KIF6: variants seen among roughly 807,000 people sequenced by gnomAD.
KIF6 encodes the protein kinesin family member 6, also known as kinesin-like protein KIF6.
KIF6 carries 106 observed loss-of-function variants against 112.7 expected under a neutral mutation model. The ratio of observed to expected loss-of-function variants is 0.94; its 90% CI spans 0.80 to 1.11. The LOEUF is 1.11. KIF6 is among the 50% of genes least tolerant of loss of function. The pLI, the probability that KIF6 is intolerant of heterozygous loss-of-function variation, is 0.00. For synonymous variants in KIF6, 339 were observed against 339.9 expected (o/e 1.00, Z 0.03); for missense variants, 929 against 964.0 (o/e 0.96, Z 0.48).
At chr6:39,465,050 C>G (rs1773706693) in intron 13 of KIF6, among the ~76,000 whole-genome samples, 1 of 152,248 alleles carries the variant, frequency 6.6e-6, no homozygotes, top group Admixed American at 6.5e-5. Context: ...TCCTAGTAGC[C>G]CACTTTTCCA....
intron 5 of KIF6, among the ~76,000 whole-genome samples, chr6:39,620,757 T>G (rs1383034836): frequency 6.6e-6 from 1 of 151,344 alleles, no homozygotes; most frequent in Non-Finnish European, 1.5e-5. Context: ...ACATTTTATT[T>G]ATTTATTTAT....
intron 13 of KIF6, among the ~76,000 whole-genome samples, chr6:39,481,151 A>G (rs1001960510): frequency 6.6e-6 from 1 of 152,156 alleles, no homozygotes; most frequent in Admixed American, 6.6e-5. Context: ...TTAAAAAATG[A>G]AGAAAGATAA....
chr6:39,678,357 G>A (rs1341869573), intron 3 of KIF6, among the ~76,000 whole-genome samples: 2 of 152,182 alleles, frequency 1.3e-5, no homozygotes, highest in African/African-American at 4.8e-5. Context: ...TTGGAATCAT[G>A]TGTCAGGTGG....
At chr6:39,450,506 T>C (rs1165959171) in intron 13 of KIF6, among the ~76,000 whole-genome samples, 1 of 152,154 alleles carries the variant, frequency 6.6e-6, no homozygotes, top group East Asian at 1.9e-4. Context: ...AACAGAATGA[T>C]GTAAAGAAGC....
chr6:39,687,655 T>C (rs1272088464), intron 3 of KIF6, among the ~76,000 whole-genome samples: 1 of 152,224 alleles, frequency 6.6e-6, no homozygotes, highest in Non-Finnish European at 1.5e-5. Flanking sequence ...TTTGTTAGTA[T>C]AAATATTCCT....
intron 13 of KIF6, among the ~76,000 whole-genome samples, chr6:39,532,085 A>G (rs73414654): frequency 2.0e-5 from 3 of 152,228 alleles, no homozygotes; most frequent in African/African-American, 7.2e-5. Context: ...CCTGGTCTTA[A>G]CCGGAGGTTG....
chr6:39,440,706 G>A (rs973740840), intron 13 of KIF6, among the ~76,000 whole-genome samples: 3 of 152,068 alleles, frequency 2.0e-5, no homozygotes, highest in African/African-American at 7.2e-5. Context: ...AAGGAAATAA[G>A]GATTTAGAAG....
At chr6:39,340,431 T>C (rs2281686) in intron 22 of KIF6, among the ~76,000 whole-genome samples, 21,087 of 152,052 alleles carry the variant, frequency 0.14, 1,595 homozygotes, top group Middle Eastern at 0.27. Flanking sequence ...GTTGCAGCTT[T>C]TCAAGACAGT....
intron 13 of KIF6, among the ~76,000 whole-genome samples, chr6:39,479,471 C>T (rs1774658419): frequency 6.6e-6 from 1 of 152,084 alleles, no homozygotes; most frequent in Admixed American, 6.6e-5. Context: ...TATTTTTATA[C>T]CAGTACCATG....
chr6:39,497,455 CT>C (rs556491327), intron 13 of KIF6, among the ~76,000 whole-genome samples: 177 of 152,320 alleles, frequency 1.2e-3, no homozygotes, highest in African/African-American at 4.2e-3. Context: ...TTATTTTTAA[CT>C]TCCCAAGATC....
intron 7 of KIF6, among the ~76,000 whole-genome samples, chr6:39,588,374 C>G (rs1328725010): frequency 6.6e-6 from 1 of 151,974 alleles, no homozygotes; most frequent in Non-Finnish European, 1.5e-5. Flanking sequence ...CCACCACACC[C>G]AGCTAATTTT....
At chr6:39,605,448 C>T (rs1035499916) in intron 6 of KIF6, among the ~76,000 whole-genome samples, 2 of 151,988 alleles carry the variant, frequency 1.3e-5, no homozygotes, top group African/African-American at 4.8e-5. Context: ...TTTATTCAAA[C>T]TGTCTTTTTT....
intron 10 of KIF6, among the ~76,000 whole-genome samples, chr6:39,549,718 C>T (rs777529224): frequency 1.3e-5 from 2 of 151,930 alleles, no homozygotes; most frequent in African/African-American, 2.4e-5. Context: ...TGACTTGTAA[C>T]GGCAAAAAAA....
chr6:39,496,900 T>A (rs1170552666), intron 13 of KIF6, among the ~76,000 whole-genome samples: 1 of 152,256 alleles, frequency 6.6e-6, no homozygotes, highest in Admixed American at 6.5e-5. Flanking sequence ...TCAAGTTACT[T>A]AAAACGTCTA....
chr6:39,660,891 T>A (rs1786101809), intron 3 of KIF6, among the ~76,000 whole-genome samples: 1 of 152,182 alleles, frequency 6.6e-6, no homozygotes, highest in Non-Finnish European at 1.5e-5. Flanking sequence ...CTAAGGCAAG[T>A]AATAGTTTCC....
intron 3 of KIF6, among the ~76,000 whole-genome samples, chr6:39,696,840 AT>A (rs1333055154): frequency 6.6e-6 from 1 of 151,982 alleles, no homozygotes; most frequent in Non-Finnish European, 1.5e-5. Context: ...TAGGAACCTC[AT>A]ACATGTTAGC....
At chr6:39,352,110 T>C (rs1764301600) in intron 19 of KIF6, among the ~76,000 whole-genome samples, 1 of 152,236 alleles carries the variant, frequency 6.6e-6, no homozygotes, top group Non-Finnish European at 1.5e-5. Flanking sequence ...GTTTTAAAAA[T>C]CAATAGACTA....
chr6:39,625,720 T>C (rs1012875971), intron 5 of KIF6, among the ~76,000 whole-genome samples: 3 of 152,130 alleles, frequency 2.0e-5, no homozygotes, highest in Admixed American at 2.0e-4. Context: ...ATGCCTCATC[T>C]AAAAGCACTA....
rs190661775 is a variant in KIF6 at position 39,383,729 on chromosome 6, T to C, written c.1861+1893A>G. ...CATTGGTAATTTGATAGAAATAGCA[T>C]TGAAACTGTAGATTGTTTTGGACAT... is the stretch of plus-strand genomic sequence containing the variant. On this transcript the variant is annotated intron_variant, in intron 16 of 22. Transcript: ENST00000287152. 5.3e-5 allele frequency among the ~76,000 whole-genome samples: 8 copies of C among 152,376 alleles called. No individual in the cohort carries two copies. The East Asian group carries it at 1.3e-3, about 26-fold the overall frequency.
Sources: gnomAD v4.1 joint callset for allele counts (sites outside exome capture counted in the v4.1 genomes callset) on GRCh38, gnomAD v4.1.1 for gene constraint, MANE v1.5 for transcripts, NCBI Gene and HGNC (gene_info 2026-07-23, HGNC 2026-07-21) for gene names.